The following SCAPER variants were observed in gnomAD, a reference collection of about 807,000 sequenced individuals.
SCAPER encodes S-phase cyclin A associated protein in the ER, also known as S phase cyclin A-associated protein in the endoplasmic reticulum.
In SCAPER, 98 loss-of-function variants were observed where a neutral mutation model predicts 182.2. The observed-to-expected ratio is 0.54, with a 90% CI of 0.46 to 0.64. The LOEUF is 0.64. SCAPER is among the 30% of genes least tolerant of loss of function. The probability of loss-of-function intolerance (pLI) is 0.00; values close to 1 mark genes in which losing one functional copy is unlikely to be tolerated. For missense variants in SCAPER, 1,432 were observed against 1,690.0 expected (o/e 0.85, Z 2.68); for synonymous variants, 605 against 564.6 (o/e 1.07, Z -1.01).
At chr15:76,555,198 C>A (rs2046103102) in intron 23 of SCAPER, among the ~76,000 whole-genome samples, 1 of 152,138 alleles carries the variant, frequency 6.6e-6, no homozygotes, top group African/African-American at 2.4e-5. Context: ...TAAGGGAATT[C>A]ATTACCAGCA....
intron 8 of SCAPER, among the ~76,000 whole-genome samples, chr15:76,792,739 T>C (rs1414663256): frequency 6.6e-6 from 1 of 152,230 alleles, no homozygotes; most frequent in East Asian, 1.9e-4. Context: ...CCTTCAATCA[T>C]GTGATGACAT....
chr15:76,472,422 C>A, intron 24 of SCAPER: 1 of 604,586 alleles, frequency 1.7e-6, no homozygotes, highest in Non-Finnish European at 3.0e-6. Flanking sequence ...GTTTGAAATA[C>A]TATTTTTACG....
At chr15:76,832,708 C>A (rs369666420) in intron 5 of SCAPER, among the ~76,000 whole-genome samples, 2 of 152,146 alleles carry the variant, frequency 1.3e-5, no homozygotes, top group African/African-American at 4.8e-5. Flanking sequence ...GTCCTCATGA[C>A]AGAGTTCTCA....
intron 1 of SCAPER, among the ~76,000 whole-genome samples, chr15:76,899,989 T>C (rs1595963704): frequency 1.3e-5 from 2 of 152,360 alleles, no homozygotes; most frequent in African/African-American, 4.8e-5. Context: ...TTTTGTTCTA[T>C]ACTAAGAAAA....
chr15:76,543,190 C>A (rs2144785291), intron 23 of SCAPER, among the ~76,000 whole-genome samples: 1 of 152,200 alleles, frequency 6.6e-6, no homozygotes, highest in South Asian at 2.1e-4. Context: ...TATGTTACTG[C>A]ATGCAAAGGA....
At chr15:76,551,831 A>T (rs1362680133) in intron 23 of SCAPER, among the ~76,000 whole-genome samples, 1 of 152,130 alleles carries the variant, frequency 6.6e-6, no homozygotes, top group Non-Finnish European at 1.5e-5. Context: ...TGCAATTATT[A>T]TGAGTCAATT....
intron 23 of SCAPER, among the ~76,000 whole-genome samples, chr15:76,545,922 A>AT (rs1278636144): frequency 6.6e-6 from 1 of 152,162 alleles, no homozygotes; most frequent in East Asian, 1.9e-4. Context: ...AAAAACAGAC[A>AT]TAAAAAAAGA....
At chr15:76,662,861 G>GA (rs994746068) in intron 21 of SCAPER, among the ~76,000 whole-genome samples, 51 of 151,922 alleles carry the variant, frequency 3.4e-4, no homozygotes, top group Middle Eastern at 3.4e-3. Flanking sequence ...AAATGTTCTA[G>GA]AAAAAAATAT....
intron 17 of SCAPER, among the ~76,000 whole-genome samples, chr15:76,720,243 A>G (rs1228778964): frequency 3.3e-5 from 5 of 152,000 alleles, no homozygotes; most frequent in African/African-American, 9.7e-5. Context: ...TTCTGTCCCT[A>G]CAAAGGACAT....
In SCAPER at chr15:76,877,910, T is replaced by C. The variant is rs1156558664; in HGVS notation, c.6+5902A>G. Among the ~76,000 whole-genome samples the C allele has an allele frequency of 2.0e-5, 3 of 152,332 alleles. No individual in the cohort carries two copies. The East Asian group carries it at 5.8e-4, about 29-fold the overall frequency. On this transcript the variant is annotated intron_variant, in intron 2 of 31. Transcript: ENST00000563290. ...TGTATGAATGTTAAATTTCCACATTTTGAACACTGAATTGTGGTCATATAA... is the reference window on the plus strand; with the variant it reads ...TGTATGAATGTTAAATTTCCACATTCTGAACACTGAATTGTGGTCATATAA...
intron 10 of SCAPER, among the ~76,000 whole-genome samples, chr15:76,768,187 T>C (rs922784397): frequency 3.3e-5 from 5 of 152,046 alleles, no homozygotes; most frequent in African/African-American, 1.2e-4. Flanking sequence ...AACCCAACAA[T>C]TCCACTCCTA....
At chr15:76,545,899 A>T (rs2045238865) in intron 23 of SCAPER, among the ~76,000 whole-genome samples, 1 of 152,076 alleles carries the variant, frequency 6.6e-6, no homozygotes, top group Non-Finnish European at 1.5e-5. Context: ...TGTGGATGAA[A>T]CTCCATAAGG....
At chr15:76,764,388 G>A (rs531545130) in intron 14 of SCAPER, among the ~76,000 whole-genome samples, 6 of 149,626 alleles carry the variant, frequency 4.0e-5, no homozygotes, top group African/African-American at 7.5e-5. Flanking sequence ...AAGGCAGGTC[G>A]TGGCAGAGGC....
At chr15:76,547,248 T>C (rs2045372355) in intron 23 of SCAPER, among the ~76,000 whole-genome samples, 1 of 152,196 alleles carries the variant, frequency 6.6e-6, no homozygotes, top group Non-Finnish European at 1.5e-5. Context: ...GGGACTAAAA[T>C]GTTCTTTTAA....
intron 6 of SCAPER, among the ~76,000 whole-genome samples, chr15:76,803,143 T>G (rs1255567338): frequency 2.2e-5 from 3 of 136,856 alleles, no homozygotes; most frequent in Middle Eastern, 4.5e-3. Flanking sequence ...TTATTTCTAC[T>G]GAGCTCTACA....
Position 76,494,245 on chromosome 15 carries a change from T to C in SCAPER, c.2954+10614A>G, listed in dbSNP as rs745561228. 1.5e-4 allele frequency among the ~76,000 whole-genome samples: 23 copies of C among 152,216 alleles called. 1 individual carries two copies. The highest frequency in any genetic ancestry group is 2.6e-4 in the Non-Finnish European group (18 of 68,032). On this transcript the variant is annotated intron_variant, in intron 24 of 31. Transcript: ENST00000563290. ...TGATCTGAGCCTTAAAGAGTGTTTA[T>C]AGCACACAGAAATGTTGTATTTCAT...
chr15:76,528,456 A>C (rs2043373123), intron 23 of SCAPER, among the ~76,000 whole-genome samples: 1 of 152,190 alleles, frequency 6.6e-6, no homozygotes, highest in Non-Finnish European at 1.5e-5. Context: ...CCAGAGAGGA[A>C]TCTGTTATTT....
At chr15:76,722,850 C>T (rs1024596693) in intron 17 of SCAPER, among the ~76,000 whole-genome samples, 7 of 151,952 alleles carry the variant, frequency 4.6e-5, no homozygotes, top group African/African-American at 1.5e-4. Flanking sequence ...AGCAGTCTAT[C>T]GATTTTGCTG....
At chr15:76,844,336 C>T (rs1051475086) in intron 4 of SCAPER, among the ~76,000 whole-genome samples, 1 of 150,340 alleles carries the variant, frequency 6.7e-6, no homozygotes, top group Admixed American at 6.6e-5. Flanking sequence ...TCTGACTCAT[C>T]CCTCTCTGAG....
Sources: gnomAD v4.1 joint callset for allele counts (sites outside exome capture counted in the v4.1 genomes callset) on GRCh38, gnomAD v4.1.1 for gene constraint, MANE v1.5 for transcripts, NCBI Gene and HGNC (gene_info 2026-07-23, HGNC 2026-07-21) for gene names.